SP100: variants seen among roughly 807,000 people sequenced by gnomAD.
SP100 encodes the protein nuclear autoantigen Sp-100.
A neutral mutation model predicts 130.0 loss-of-function variants in SP100; 84 were observed. That is an observed-to-expected ratio of 0.65 (90% CI 0.54 to 0.77). The LOEUF (loss-of-function observed/expected upper bound fraction) is 0.77. Ranked by LOEUF, SP100 falls within the 30% of genes least tolerant of loss-of-function variation. SP100 has a pLI of 0.00. For synonymous variants in SP100, 331 were observed against 351.7 expected, an observed-to-expected ratio of 0.94 and a Z score of 0.66; for missense variants, 978 against 1,052.2, an observed-to-expected ratio of 0.93 and a Z score of 0.97.
In SP100 at chr2:230,544,876, T is replaced by C. The variant is rs958769230; in HGVS notation, c.*1930T>C. Among the ~76,000 whole-genome samples the C allele has an allele frequency of 3.9e-5, 6 of 152,190 alleles. No individual in the cohort carries two copies. The highest frequency in any genetic ancestry group is 8.8e-5 in the Non-Finnish European group (6 of 68,020). The stretch of plus-strand genomic sequence containing the variant: ...TCGTTAGAGACATGCAAATTAAAAC[T>C]ACAATGAGACACCATCTCACACCAG... On this transcript the variant is annotated 3_prime_UTR_variant, in exon 29 of 29. Transcript: ENST00000340126.
intron 8 of SP100, among the ~76,000 whole-genome samples, chr2:230,455,682 G>T (rs952552692): frequency 1.3e-5 from 2 of 152,110 alleles, no homozygotes; most frequent in Non-Finnish European, 2.9e-5. Context: ...CTGGTTGTCT[G>T]TAGATTCTTT....
intron 8 of SP100, among the ~76,000 whole-genome samples, chr2:230,453,320 T>C (rs1304130807): frequency 1.3e-5 from 2 of 152,164 alleles, no homozygotes; most frequent in Non-Finnish European, 2.9e-5. Flanking sequence ...GTGGGGGTTA[T>C]GGGAACTACA....
At chr2:230,516,813 C>T (rs1455073101) in intron 24 of SP100, among the ~76,000 whole-genome samples, 1 of 152,080 alleles carries the variant, frequency 6.6e-6, no homozygotes, top group Non-Finnish European at 1.5e-5. Flanking sequence ...ACCCAATTGA[C>T]AAGGAAATTT....
intron 13 of SP100, 146 bp from the exon 14 acceptor site, chr2:230,468,897 G>T: frequency 2.3e-6 from 1 of 444,186 alleles, no homozygotes. Flanking sequence ...CCATTTGATA[G>T]TAATCTCTTT....
intron 1 of SP100, among the ~76,000 whole-genome samples, 173 bp downstream of exon 1, chr2:230,416,501 A>G (rs1194972144): frequency 6.6e-6 from 1 of 152,180 alleles, no homozygotes; most frequent in African/African-American, 2.4e-5. Context: ...AGATTTTTTA[A>G]ACAGGAGCAG....
intron 2 of SP100, among the ~76,000 whole-genome samples, chr2:230,434,473 A>G (rs2063188847): frequency 6.6e-6 from 1 of 152,222 alleles, no homozygotes; most frequent in Admixed American, 6.5e-5. Flanking sequence ...AGTGGACAAA[A>G]CAGACAAAAT....
chr2:230,488,417 T>C (rs2066225774), intron 17 of SP100, among the ~76,000 whole-genome samples: 1 of 152,106 alleles, frequency 6.6e-6, no homozygotes, highest in African/African-American at 2.4e-5. Flanking sequence ...GTTGTTTTTG[T>C]TGTTGTTGTT....
intron 24 of SP100, chr2:230,520,583 A>G (rs779815853): frequency 2.6e-5 from 4 of 152,206 alleles, no homozygotes; most frequent in Non-Finnish European, 4.4e-5. Context: ...CATTGCCAGT[A>G]CCTGCACAAA....
In SP100 at chr2:230,450,129, C is replaced by G. The variant is rs753979464; in HGVS notation, c.737-43C>G. 3.5e-6 allele frequency: 5 copies of G among 1,415,956 alleles called. No individual in the cohort carries two copies. In the African/African-American group the frequency reaches 7.0e-5, roughly 20 times the overall value. 87.7% of individuals were successfully genotyped at this position (1,415,956 alleles called of 1,614,324 possible). A position where few individuals can be genotyped will look rare whatever the true frequency, so the allele number is the denominator to read the frequency against. On this transcript the variant is annotated intron_variant, in intron 7 of 28. Coordinates refer to ENST00000340126, the MANE Select transcript of SP100 (RefSeq NM_001080391.2). ...CTAACCAAATGGAAACAGGACAGAG[C>G]AAGGCTCTACTGGATCTCAGCTGTG...
chr2:230,494,592 A>T (rs1158076753), intron 18 of SP100, 132 bp downstream of exon 18: 2 of 681,182 alleles, frequency 2.9e-6, no homozygotes, highest in Non-Finnish European at 2.6e-6. Flanking sequence ...GATTCTTTAG[A>T]GTACCAGCTA....
chr2:230,497,909 G>A (rs987710903), intron 18 of SP100, among the ~76,000 whole-genome samples: 2 of 152,130 alleles, frequency 1.3e-5, no homozygotes, highest in African/African-American at 4.8e-5. Context: ...CTTCATTGAG[G>A]GCTAAGATGG....
At chr2:230,488,912 A>G (rs1439564121) in intron 17 of SP100, among the ~76,000 whole-genome samples, 1 of 152,194 alleles carries the variant, frequency 6.6e-6, no homozygotes, top group Non-Finnish European at 1.5e-5. Flanking sequence ...GTACTGCTGG[A>G]TTCAGTTTGC....
At chr2:230,460,310 A>G (rs1321645332) in intron 8 of SP100, among the ~76,000 whole-genome samples, 1 of 152,232 alleles carries the variant, frequency 6.6e-6, no homozygotes, top group Non-Finnish European at 1.5e-5. Context: ...AAATAATTAT[A>G]CAAAACGAAT....
At chr2:230,523,735 C>A (rs13035698) in intron 24 of SP100, among the ~76,000 whole-genome samples, 9,584 of 151,848 alleles carry the variant, frequency 0.063, 389 homozygotes, top group Middle Eastern at 0.11. Flanking sequence ...ATGGAGAAAC[C>A]TTGTCTCTAT....
chr2:230,457,730 C>T (rs1216063716), intron 8 of SP100, among the ~76,000 whole-genome samples: 2 of 152,192 alleles, frequency 1.3e-5, no homozygotes, highest in Non-Finnish European at 2.9e-5. Flanking sequence ...CTGGTTTCCT[C>T]AGCTCTTGCA....
chr2:230,493,314 T>C (rs1467454336), intron 17 of SP100, among the ~76,000 whole-genome samples: 1 of 152,238 alleles, frequency 6.6e-6, no homozygotes, highest in East Asian at 1.9e-4. Flanking sequence ...ACCTCCCAGG[T>C]TCAAGTGATT....
intron 24 of SP100, among the ~76,000 whole-genome samples, chr2:230,522,806 A>T (rs935333773): frequency 4.6e-5 from 7 of 151,270 alleles, no homozygotes; most frequent in Admixed American, 1.3e-4. Context: ...TCTATTTTTT[A>T]AAAAATATTT....
intron 17 of SP100, among the ~76,000 whole-genome samples, chr2:230,481,772 C>T (rs2065842654): frequency 6.6e-6 from 1 of 152,206 alleles, no homozygotes; most frequent in African/African-American, 2.4e-5. Flanking sequence ...AAACCTCATC[C>T]TTTATGATTC....
rs1280534628 is a variant in SP100, at chr2:230,494,451, C to T, written c.1636C>T (p.Leu546Phe). 6 of 1,607,552 alleles carry T rather than the reference C, an allele frequency of 3.7e-6. No homozygotes were observed. Among genetic ancestry groups the T allele is most frequent in the Non-Finnish European group, 5.1e-6 (6 of 1,174,246 alleles). ...AAGGCATAGATCTAAAGTAAATGGT[C>T]TCCAAAGAGGTAAGAAGAAATGTGG... ...KRRHRSKVNG[L>F]QRGRKKDRPR... The change falls in exon 18 of 29, where the codon CTC becomes TTC. Residue 546 changes from leucine (L) to phenylalanine (F), a missense_variant. Coordinates refer to ENST00000340126, the MANE Select transcript of SP100 (RefSeq NM_001080391.2).
Sources: gnomAD v4.1 joint callset for allele counts (sites outside exome capture counted in the v4.1 genomes callset) on GRCh38, gnomAD v4.1.1 for gene constraint, MANE v1.5 for transcripts, NCBI Gene and HGNC (gene_info 2026-07-23, HGNC 2026-07-21) for gene names.